The following FOXP1 variants were observed in gnomAD, a reference collection of about 807,000 sequenced individuals.
FOXP1 encodes forkhead box protein P1.
A neutral mutation model predicts 98.2 loss-of-function variants in FOXP1; 15 were observed. The ratio of observed to expected loss-of-function variants is 0.15; its 90% CI spans 0.10 to 0.24. FOXP1 has a LOEUF of 0.24. FOXP1 is among the 10% of genes least tolerant of loss of function. FOXP1 has a pLI of 1.00. For missense variants in FOXP1, 633 were observed against 848.5 expected, an observed-to-expected ratio of 0.75 and a Z score of 3.15; for synonymous variants, 371 against 314.5, an observed-to-expected ratio of 1.18 and a Z score of -1.90.
chr3:71,524,721 C>T (rs1005965015), intron 2 of FOXP1, among the ~76,000 whole-genome samples: 9 of 152,144 alleles, frequency 5.9e-5, no homozygotes, highest in Non-Finnish European at 8.8e-5. Context: ...TACAAAGCAA[C>T]GACTATTAAC....
chr3:71,511,496 T>TA lies in FOXP1; in HGVS notation c.-297-17942dup, dbSNP rs60459177. ...ACAAGTCTACAAGTTGTAGAATTAA[T>TA]AAAAAAAAAAAAAAAATTACCCCAA... On this transcript the variant is annotated intron_variant, in intron 2 of 20. Transcript: ENST00000649528. Among the ~76,000 whole-genome samples, 696 of 133,826 alleles carry TA rather than the reference T, an allele frequency of 5.2e-3. 6 individuals are homozygous for TA. Among genetic ancestry groups the TA allele is most frequent in the African/African-American group, 0.01 (353 of 35,284 alleles). 87.8% of individuals were successfully genotyped at this position (133,826 alleles called of 152,430 possible).
intron 6 of FOXP1, among the ~76,000 whole-genome samples, chr3:71,132,176 C>T (rs369018981): frequency 3.3e-5 from 5 of 152,296 alleles, no homozygotes; most frequent in East Asian, 3.9e-4. Context: ...ACAGCCTGGG[C>T]GCCATGAAAG....
intron 6 of FOXP1, chr3:71,197,743 T>C: frequency 1.2e-6 from 1 of 834,200 alleles, no homozygotes; most frequent in Non-Finnish European, 1.9e-6. Context: ...TCCGCCTGTC[T>C]TTCTATGTAT....
intron 6 of FOXP1, among the ~76,000 whole-genome samples, chr3:71,138,909 T>TAA (rs796630958): frequency 6.9e-6 from 1 of 145,050 alleles, no homozygotes. Flanking sequence ...TGCAATAAGT[T>TAA]AAAAAAAAAA....
At chr3:70,961,562 A>C (rs1386998670) in intron 20 of FOXP1, among the ~76,000 whole-genome samples, 3 of 152,164 alleles carry the variant, frequency 2.0e-5, no homozygotes, top group African/African-American at 7.2e-5. Flanking sequence ...ACAGTTGTAC[A>C]TCAGTGCAAG....
intron 5 of FOXP1, among the ~76,000 whole-genome samples, chr3:71,245,803 C>A (rs756433166): frequency 1.6e-4 from 24 of 151,216 alleles, no homozygotes; most frequent in African/African-American, 2.9e-4. Context: ...AATCACCACC[C>A]CCCCCACCCA....
chr3:71,004,094 C>T (rs1012988997), intron 12 of FOXP1, among the ~76,000 whole-genome samples: 1 of 151,940 alleles, frequency 6.6e-6, no homozygotes, highest in Non-Finnish European at 1.5e-5. Flanking sequence ...TACATCCCCC[C>T]CCAAGTTCAG....
chr3:71,013,617 A>G (rs2107719787), intron 12 of FOXP1, among the ~76,000 whole-genome samples: 1 of 152,322 alleles, frequency 6.6e-6, no homozygotes, highest in East Asian at 1.9e-4. Flanking sequence ...TCAAGCTACC[A>G]ATGACTTTCT....
intron 11 of FOXP1, among the ~76,000 whole-genome samples, chr3:71,028,148 T>G (rs1472225717): frequency 6.6e-6 from 1 of 152,236 alleles, no homozygotes; most frequent in Non-Finnish European, 1.5e-5. Flanking sequence ...ATTGAAATTT[T>G]TTTTTTAAAT....
At chr3:71,473,501 T>G (rs1209334010) in intron 3 of FOXP1, among the ~76,000 whole-genome samples, 1 of 152,118 alleles carries the variant, frequency 6.6e-6, no homozygotes, top group African/African-American at 2.4e-5. Context: ...CAAAATTTTG[T>G]GTATAGCCTT....
chr3:71,198,574 G>A (rs1445087375), intron 5 of FOXP1, among the ~76,000 whole-genome samples, 182 bp from the exon 6 acceptor site: 1 of 152,038 alleles, frequency 6.6e-6, no homozygotes, highest in Non-Finnish European at 1.5e-5. Flanking sequence ...CCTAGTTTCG[G>A]GTCTGAAACT....
chr3:71,453,466 G>C (rs1014851872), intron 3 of FOXP1, among the ~76,000 whole-genome samples: 2 of 152,198 alleles, frequency 1.3e-5, no homozygotes, highest in African/African-American at 4.8e-5. Flanking sequence ...TTTGCAGTGT[G>C]ATCCCGGCAG....
At position 71,432,284 on chromosome 3, in the gene FOXP1, C is replaced by G. The variant is rs945109175; in HGVS notation, c.-168+61142G>C. Among the ~76,000 whole-genome samples, 4 of 152,294 alleles carry G rather than the reference C, an allele frequency of 2.6e-5. No individual in the cohort carries two copies. In the East Asian group the frequency reaches 7.7e-4, roughly 29 times the overall value. ...CAGCCCAGCACAGACGCAGAATATTCCCTTTTGCTACTTTCCTGCACCCAT... is the reference window on the plus strand; with the variant it reads ...CAGCCCAGCACAGACGCAGAATATTGCCTTTTGCTACTTTCCTGCACCCAT... On this transcript the variant is annotated intron_variant, in intron 3 of 20. Coordinates refer to ENST00000649528, the MANE Select transcript of FOXP1 (RefSeq NM_001349338.3).
At chr3:71,035,126 A>G (rs1390721555) in intron 11 of FOXP1, among the ~76,000 whole-genome samples, 2 of 152,228 alleles carry the variant, frequency 1.3e-5, no homozygotes, top group Non-Finnish European at 2.9e-5. Flanking sequence ...GGTCTGGGGC[A>G]GGGCCAGAGA....
At chr3:71,518,963 A>G (rs572751998) in intron 2 of FOXP1, among the ~76,000 whole-genome samples, 48 of 152,356 alleles carry the variant, frequency 3.2e-4, no homozygotes, top group Non-Finnish European at 5.3e-4. Context: ...ATAATGTGTG[A>G]GGCCAGGTGC....
At chr3:71,334,466 A>C (rs2076549834) in intron 4 of FOXP1, 1 of 152,184 alleles carries the variant, frequency 6.6e-6, no homozygotes, top group Non-Finnish European at 1.5e-5. Context: ...AAATTGTCCA[A>C]ATACCTAAAA....
chr3:71,175,006 G>GT (rs2061860638), intron 6 of FOXP1, among the ~76,000 whole-genome samples: 1 of 150,946 alleles, frequency 6.6e-6, no homozygotes, highest in Non-Finnish European at 1.5e-5. Flanking sequence ...CTCCGCCCCC[G>GT]GGTTCAAGCC....
chr3:71,002,612 C>T (rs1218271949), intron 12 of FOXP1, among the ~76,000 whole-genome samples: 2 of 152,156 alleles, frequency 1.3e-5, no homozygotes, highest in African/African-American at 4.8e-5. Context: ...AAACTGGGAT[C>T]ATTCCACTTC....
At chr3:71,374,538 A>G (rs2079569870) in intron 3 of FOXP1, among the ~76,000 whole-genome samples, 1 of 152,002 alleles carries the variant, frequency 6.6e-6, no homozygotes, top group African/African-American at 2.4e-5. Flanking sequence ...GGTTGTAGTG[A>G]GCCAAGAGTG....
Sources: allele counts gnomAD v4.1 joint callset (sites outside exome capture counted in the v4.1 genomes callset), GRCh38; gene constraint gnomAD v4.1.1; transcripts MANE v1.5; gene names NCBI Gene and HGNC (gene_info 2026-07-23, HGNC 2026-07-21).